The following TMEM132D variants were observed in gnomAD, a reference collection of about 807,000 sequenced individuals.
TMEM132D encodes the protein transmembrane protein 132D, also known as mature OL transmembrane protein.
In TMEM132D, 21 loss-of-function variants were observed where a neutral mutation model predicts 62.3. The observed-to-expected ratio is 0.34, with a 90% CI of 0.24 to 0.49. TMEM132D has a LOEUF of 0.49. TMEM132D is among the 20% of genes least tolerant of loss of function. The pLI is 0.99. For missense variants in TMEM132D, 1,346 were observed against 1,402.8 expected (o/e 0.96, Z 0.65); for synonymous variants, 621 against 575.6 (o/e 1.08, Z -1.13).
In TMEM132D at chr12:129,130,755, A is replaced by T. The variant is rs1876351987; in HGVS notation, c.1444-46053T>A. On this transcript the variant is annotated intron_variant, in intron 5 of 8. Transcript: ENST00000422113. ...TTGAAATGCCATGACCTAGAGAAGAATTAGCACGTCTAGATCAGGAGTACA... is the reference window on the plus strand; with the variant it reads ...TTGAAATGCCATGACCTAGAGAAGATTTAGCACGTCTAGATCAGGAGTACA... Among the ~76,000 whole-genome samples the T allele has an allele frequency of 2.6e-5, 4 of 152,246 alleles. 1 individual carries two copies. The South Asian group carries it at 8.3e-4, about 32-fold the overall frequency.
intron 4 of TMEM132D, among the ~76,000 whole-genome samples, chr12:129,302,984 G>A (rs1407783907): frequency 1.3e-5 from 2 of 152,152 alleles, no homozygotes; most frequent in East Asian, 3.9e-4. Context: ...GAAGAACCAA[G>A]GAGTAGAAAC....
At chr12:129,761,812 A>G (rs1403838477) in intron 1 of TMEM132D, among the ~76,000 whole-genome samples, 3 of 151,932 alleles carry the variant, frequency 2.0e-5, no homozygotes, top group African/African-American at 7.3e-5. Context: ...TGCCTCCACA[A>G]ATCCCTACCC....
At chr12:129,355,968 A>ACGGGATCAG (rs1418418823) in intron 3 of TMEM132D, among the ~76,000 whole-genome samples, 1 of 152,028 alleles carries the variant, frequency 6.6e-6, no homozygotes. Context: ...GCCACCCCCG[A>ACGGGATCAG]CGGGATCAGG....
At position 129,337,670 on chromosome 12, in the gene TMEM132D, G is replaced by A. The variant is rs1278851532; in HGVS notation, c.1263C>T (p.Ser421=). The change falls in exon 4 of 9, where the codon AGC becomes AGT. Residue 421 remains serine, a synonymous_variant. Transcript: ENST00000422113. The part of the protein sequence containing the change: ...SDLGVSKIYV[S]PKDLIGVVPL... ...GCACAACTCCAATCAAGTCCTTTGG[G>A]CTCACATAGATCTTGGACACTCCCA... 6.2e-7 allele frequency: 1 copy of A among 1,614,086 alleles called. No individual in the cohort carries two copies. Among genetic ancestry groups the A allele is most frequent in the Non-Finnish European group, 8.5e-7 (1 of 1,179,996 alleles).
At chr12:129,244,216 T>A (rs1593309335) in intron 4 of TMEM132D, among the ~76,000 whole-genome samples, 1 of 115,100 alleles carries the variant, frequency 8.7e-6, no homozygotes, top group East Asian at 2.2e-4. Flanking sequence ...AAACCCCGTC[T>A]CTACTAAAAA....
At chr12:129,229,508 T>C (rs1879577498) in intron 4 of TMEM132D, among the ~76,000 whole-genome samples, 1 of 152,170 alleles carries the variant, frequency 6.6e-6, no homozygotes, top group African/African-American at 2.4e-5. Context: ...AGCCTCTAAG[T>C]AAATGGGTTC....
At chr12:129,599,980 A>T (rs1007074096) in intron 2 of TMEM132D, among the ~76,000 whole-genome samples, 1 of 152,158 alleles carries the variant, frequency 6.6e-6, no homozygotes, top group Admixed American at 6.6e-5. Context: ...GCAATGTCTT[A>T]AAAAAGGCAA....
At chr12:129,623,736 CATATATATACACAT>C (rs1463119915) in intron 2 of TMEM132D, among the ~76,000 whole-genome samples, 2 of 132,670 alleles carry the variant, frequency 1.5e-5, no homozygotes, top group African/African-American at 6.0e-5. Flanking sequence ...TACATATATA[CATATATATACACAT>C]ATATATACAC....
At chr12:129,159,180 A>G (rs1439267082) in intron 5 of TMEM132D, among the ~76,000 whole-genome samples, 2 of 152,156 alleles carry the variant, frequency 1.3e-5, no homozygotes, top group Admixed American at 6.5e-5. Flanking sequence ...TTTTAACAGC[A>G]AGTATTTGGT....
At chr12:129,079,157 T>G (rs970823782) in intron 7 of TMEM132D, among the ~76,000 whole-genome samples, 2 of 152,158 alleles carry the variant, frequency 1.3e-5, no homozygotes, top group African/African-American at 4.8e-5. Flanking sequence ...GAATGACGGG[T>G]TGGGTGTACT....
chr12:129,207,251 A>ATGAG (rs1878880285), intron 5 of TMEM132D, among the ~76,000 whole-genome samples: 2 of 140,380 alleles, frequency 1.4e-5, no homozygotes, highest in African/African-American at 5.2e-5. Context: ...CAGAAGATGA[A>ATGAG]TACAGCACCG....
intron 1 of TMEM132D, among the ~76,000 whole-genome samples, chr12:129,762,418 T>G (rs537364395): frequency 6.6e-6 from 1 of 152,176 alleles, no homozygotes; most frequent in East Asian, 1.9e-4. Flanking sequence ...AACAAGACAC[T>G]ATTACCGCAG....
At chr12:129,103,347 C>A (rs576618173) in intron 5 of TMEM132D, among the ~76,000 whole-genome samples, 2 of 152,186 alleles carry the variant, frequency 1.3e-5, no homozygotes, top group African/African-American at 4.8e-5. Flanking sequence ...CAGAACCAGG[C>A]TCATTTCACT....
rs142881569 is a variant in TMEM132D, at chr12:129,299,782, T to C, written c.1299+37852A>G. On this transcript the variant is annotated intron_variant, in intron 4 of 8. Coordinates refer to ENST00000422113, the MANE Select transcript of TMEM132D (RefSeq NM_133448.3). ...TCAGACGTCCTTCAGGGCGTTCTCA[T>C]GGTGGTGCTAAAAAAGAGGAAGCTA... Among the ~76,000 whole-genome samples, 314 of 152,244 alleles carry C rather than the reference T, an allele frequency of 2.1e-3. 2 individuals are homozygous for C. The highest frequency in any genetic ancestry group is 7.2e-3 in the African/African-American group (300 of 41,540).
intron 1 of TMEM132D, among the ~76,000 whole-genome samples, chr12:129,802,199 T>C (rs1048619442): frequency 3.9e-4 from 58 of 150,622 alleles, no homozygotes; most frequent in South Asian, 4.3e-4. Context: ...GCCACAAAGA[T>C]ACTCCTCGAG....
chr12:129,554,559 G>A (rs1876998785), intron 2 of TMEM132D, among the ~76,000 whole-genome samples: 1 of 152,136 alleles, frequency 6.6e-6, no homozygotes, highest in Non-Finnish European at 1.5e-5. Flanking sequence ...ACAGCCATGT[G>A]ATTTTCTTCC....
intron 2 of TMEM132D, among the ~76,000 whole-genome samples, chr12:129,642,289 G>A (rs1291297640): frequency 6.6e-6 from 1 of 152,236 alleles, no homozygotes; most frequent in Non-Finnish European, 1.5e-5. Flanking sequence ...AGTATCATCA[G>A]ATATCAAGGC....
intron 4 of TMEM132D, among the ~76,000 whole-genome samples, chr12:129,233,414 T>A (rs1436281873): frequency 2.0e-5 from 3 of 152,178 alleles, no homozygotes; most frequent in Non-Finnish European, 4.4e-5. Flanking sequence ...AAAATTATGT[T>A]CTACTGTAGC....
chr12:129,132,112 T>C (rs770004230), intron 5 of TMEM132D, among the ~76,000 whole-genome samples: 5 of 152,200 alleles, frequency 3.3e-5, no homozygotes, highest in Non-Finnish European at 7.3e-5. Context: ...TTATAAGGCA[T>C]TTTTACAGGA....
Sources: gnomAD v4.1 joint callset for allele counts (sites outside exome capture counted in the v4.1 genomes callset) on GRCh38, gnomAD v4.1.1 for gene constraint, MANE v1.5 for transcripts, NCBI Gene and HGNC (gene_info 2026-07-23, HGNC 2026-07-21) for gene names.